Variants in SLC24A3 observed in about 807,000 individuals in gnomAD.
The protein encoded by SLC24A3 is solute carrier family 24 member 3.
In SLC24A3, 28 loss-of-function variants were observed where a neutral mutation model predicts 75.8. The ratio of observed to expected loss-of-function variants is 0.37; its 90% CI spans 0.27 to 0.51. The LOEUF (loss-of-function observed/expected upper bound fraction) is 0.51, where lower values mean the gene tolerates loss of function less well. Among genes scored for constraint, SLC24A3 ranks in the 20% least tolerant of loss-of-function variants. The pLI is 0.94. For missense variants in SLC24A3, 663 were observed against 847.8 expected (o/e 0.78, Z 2.71); for synonymous variants, 372 against 334.1 (o/e 1.11, Z -1.24).
intron 3 of SLC24A3, among the ~76,000 whole-genome samples, chr20:19,528,652 C>G (rs887276497): frequency 1.4e-4 from 21 of 152,142 alleles, no homozygotes; most frequent in African/African-American, 5.1e-4. Context: ...GTCATGAAAC[C>G]TACCTTCTCA....
intron 2 of SLC24A3, among the ~76,000 whole-genome samples, chr20:19,428,419 C>T (rs550774212): frequency 3.3e-5 from 5 of 152,284 alleles, no homozygotes; most frequent in African/African-American, 1.2e-4. Context: ...AAATGTCTGA[C>T]TGGAGTTCAG....
At chr20:19,668,708 A>C (rs937407984) in intron 8 of SLC24A3, among the ~76,000 whole-genome samples, 3 of 152,236 alleles carry the variant, frequency 2.0e-5, no homozygotes, top group African/African-American at 7.2e-5. Context: ...AGTCAAAAAA[A>C]TGGTGGTTGA....
At chr20:19,513,014 G>T (rs556366521) in intron 2 of SLC24A3, among the ~76,000 whole-genome samples, 1 of 152,282 alleles carries the variant, frequency 6.6e-6, no homozygotes, top group East Asian at 1.9e-4. Flanking sequence ...CTAGCTTCCA[G>T]CTCTGAGACT....
At chr20:19,240,550 C>T (rs1982300075) in intron 1 of SLC24A3, among the ~76,000 whole-genome samples, 1 of 152,184 alleles carries the variant, frequency 6.6e-6, no homozygotes, top group South Asian at 2.1e-4. Flanking sequence ...TGCAGTAACT[C>T]ATCTCTCTTG....
In SLC24A3 at chr20:19,290,864, G is replaced by A. The variant is rs538729647; in HGVS notation, c.271+9777G>A. On this transcript the variant is annotated intron_variant, in intron 2 of 16. Coordinates refer to ENST00000328041, the MANE Select transcript of SLC24A3 (RefSeq NM_020689.4). ...AAACCTGTCTTCCAGCAGGGTCTATGTGTGTTCAGCACTACTCCCAAGCCC... is the reference window on the plus strand; with the variant it reads ...AAACCTGTCTTCCAGCAGGGTCTATATGTGTTCAGCACTACTCCCAAGCCC... Among the ~76,000 whole-genome samples, 5 of 152,328 alleles carry A rather than the reference G, an allele frequency of 3.3e-5. No individual in the cohort carries two copies. In the South Asian group the frequency reaches 1.0e-3, roughly 32 times the overall value.
intron 3 of SLC24A3, among the ~76,000 whole-genome samples, chr20:19,551,565 T>C (rs2225027): frequency 0.84 from 127,286 of 152,092 alleles, 53,749 homozygotes; most frequent in Non-Finnish European, 0.9. Flanking sequence ...TTGGTGGAGT[T>C]GCTATAACAT....
rs551924355 is a variant in SLC24A3 at position 19,493,866 on chromosome 20, T to A, written c.272-21622T>A. On this transcript the variant is annotated intron_variant, in intron 2 of 16. Transcript: ENST00000328041. ...CTTTCTAGGGTCGTGCTGCAGATGG[T>A]CCACTATGCTGCTTGCCTCTTTGGT... Among the ~76,000 whole-genome samples, 11 of 152,302 alleles carry A rather than the reference T, an allele frequency of 7.2e-5. No individual in the cohort carries two copies. The East Asian group carries it at 1.9e-3, about 27-fold the overall frequency.
chr20:19,680,748 A>G (rs1398453193), intron 9 of SLC24A3, among the ~76,000 whole-genome samples: 1 of 152,226 alleles, frequency 6.6e-6, no homozygotes, highest in Non-Finnish European at 1.5e-5. Flanking sequence ...TCTTGTTGCC[A>G]TAGGCCAGCC....
At chr20:19,592,400 A>G (rs2031391113) in intron 6 of SLC24A3, among the ~76,000 whole-genome samples, 3 of 152,210 alleles carry the variant, frequency 2.0e-5, no homozygotes, top group African/African-American at 7.2e-5. Flanking sequence ...TCCATAGCCA[A>G]ATCAATAGTG....
intron 3 of SLC24A3, among the ~76,000 whole-genome samples, chr20:19,540,382 A>G (rs769479833): frequency 1.3e-5 from 2 of 152,228 alleles, no homozygotes; most frequent in Non-Finnish European, 2.9e-5. Context: ...TCTCTCTGCC[A>G]TCGCTGGAAC....
chr20:19,317,918 A>G (rs1419427610), intron 2 of SLC24A3, among the ~76,000 whole-genome samples: 1 of 152,110 alleles, frequency 6.6e-6, no homozygotes, highest in African/African-American at 2.4e-5. Context: ...CCTTGCTCTT[A>G]CCACATTGGT....
chr20:19,613,829 G>A (rs2031701994), intron 6 of SLC24A3, among the ~76,000 whole-genome samples: 1 of 152,228 alleles, frequency 6.6e-6, no homozygotes, highest in Non-Finnish European at 1.5e-5. Context: ...TTGCGTAGCT[G>A]TTGATGCTCA....
intron 1 of SLC24A3, among the ~76,000 whole-genome samples, chr20:19,245,448 G>A (rs1160401500): frequency 6.6e-6 from 1 of 151,978 alleles, no homozygotes; most frequent in African/African-American, 2.4e-5. Context: ...TTGAGTTGGC[G>A]GTCAGAATTA....
chr20:19,440,645 GTTTTTTT>G (rs11469517), intron 2 of SLC24A3, among the ~76,000 whole-genome samples: 2 of 131,384 alleles, frequency 1.5e-5, no homozygotes, highest in East Asian at 2.2e-4. Context: ...AGGCCTCACT[GTTTTTTT>G]TTTTTTTTTT....
chr20:19,378,028 C>T (rs942890580), intron 2 of SLC24A3, among the ~76,000 whole-genome samples: 3 of 152,228 alleles, frequency 2.0e-5, no homozygotes, highest in African/African-American at 4.8e-5. Context: ...TGTTTACTCT[C>T]TATCCCTTTA....
At position 19,568,367 on chromosome 20, in the gene SLC24A3, G is replaced by A. The variant is rs6106105; in HGVS notation, c.349-11633G>A. On this transcript the variant is annotated intron_variant, in intron 3 of 16. Coordinates refer to ENST00000328041, the MANE Select transcript of SLC24A3 (RefSeq NM_020689.4). ...GCTAAAAGGTGGAAACAGACTGTCC[G>A]TAGACAGATAAATGGATAAGCACAT... 7.6e-3 allele frequency among the ~76,000 whole-genome samples: 1,155 copies of A among 152,278 alleles called. 7 individuals carry two copies. Among genetic ancestry groups the A allele is most frequent in the Middle Eastern group, 0.031 (9 of 294 alleles).
At chr20:19,240,943 T>A (rs1363987383) in intron 1 of SLC24A3, among the ~76,000 whole-genome samples, 3 of 152,140 alleles carry the variant, frequency 2.0e-5, no homozygotes, top group Non-Finnish European at 4.4e-5. Context: ...GCAGGGTGCA[T>A]GGCCGGCAAG....
intron 6 of SLC24A3, among the ~76,000 whole-genome samples, chr20:19,613,329 T>G (rs1053361037): frequency 6.6e-6 from 1 of 152,228 alleles, no homozygotes; most frequent in Non-Finnish European, 1.5e-5. Context: ...CAAAATCCAT[T>G]TGGTGGCTGA....
intron 3 of SLC24A3, among the ~76,000 whole-genome samples, chr20:19,520,725 T>G (rs2030083631): frequency 6.6e-6 from 1 of 152,156 alleles, no homozygotes; most frequent in Non-Finnish European, 1.5e-5. Flanking sequence ...TGGTCTCCCC[T>G]GTTCCCCGCG....
Sources: allele counts gnomAD v4.1 joint callset (sites outside exome capture counted in the v4.1 genomes callset), GRCh38; gene constraint gnomAD v4.1.1; transcripts MANE v1.5; gene names NCBI Gene and HGNC (gene_info 2026-07-23, HGNC 2026-07-21).